CRIM1: variants seen among roughly 807,000 people sequenced by gnomAD.
CRIM1 encodes the protein cysteine-rich motor neuron 1 protein.
In CRIM1, 32 loss-of-function variants were observed where a neutral mutation model predicts 116.4. The observed-to-expected ratio is 0.27, with a 90% CI of 0.21 to 0.37. The LOEUF is 0.37. CRIM1 is among the 10% of genes least tolerant of loss of function. The pLI is 1.00. For missense variants in CRIM1, 1,331 were observed against 1,354.8 expected (o/e 0.98, Z 0.28); for synonymous variants, 590 against 509.2 (o/e 1.16, Z -2.13).
At chr2:36,426,952 C>T (rs1463273178) in intron 2 of CRIM1, among the ~76,000 whole-genome samples, 1 of 152,138 alleles carries the variant, frequency 6.6e-6, no homozygotes, top group Admixed American at 6.5e-5. Context: ...CCTGTAATCC[C>T]AGCACTTTGG....
chr2:36,534,872 C>G (rs1666425596), intron 13 of CRIM1, among the ~76,000 whole-genome samples: 1 of 152,050 alleles, frequency 6.6e-6, no homozygotes, highest in Non-Finnish European at 1.5e-5. Flanking sequence ...CACTGTTACT[C>G]AAATTTTATT....
Position 36,522,818 on chromosome 2 carries a change from AG to A in CRIM1, c.2428+506del, listed in dbSNP as rs1553331915. 4.1e-3 allele frequency among the ~76,000 whole-genome samples: 581 copies of A among 142,254 alleles called. 6 individuals are homozygous for A. Among genetic ancestry groups the A allele is most frequent in the African/African-American group, 0.012 (444 of 36,904 alleles). 93.3% of individuals were successfully genotyped at this position (142,254 alleles called of 152,430 possible). On this transcript the variant is annotated intron_variant, in intron 13 of 16. Transcript: ENST00000280527. Reference sequence around the variant, plus strand: ...CTCCATCTCAAAAAAAAAAAAAAGAAGAAGAAGAAGAAGGAGAAAGAAATGT... The same window carrying A: ...CTCCATCTCAAAAAAAAAAAAAAGAAAAGAAGAAGAAGGAGAAAGAAATGT...
chr2:36,437,895 A>G (rs1334779521), intron 2 of CRIM1, among the ~76,000 whole-genome samples: 1 of 152,164 alleles, frequency 6.6e-6, no homozygotes, highest in African/African-American at 2.4e-5. Context: ...GCACTTTGGG[A>G]GGCTGAGGCG....
intron 13 of CRIM1, among the ~76,000 whole-genome samples, chr2:36,525,973 T>C (rs924105050): frequency 1.3e-5 from 2 of 152,252 alleles, no homozygotes; most frequent in Non-Finnish European, 2.9e-5. Flanking sequence ...GCTTCTCTTT[T>C]GATGTTCGAG....
chr2:36,483,154 T>C (rs528205819), intron 7 of CRIM1, among the ~76,000 whole-genome samples: 2 of 152,330 alleles, frequency 1.3e-5, no homozygotes, highest in Admixed American at 1.3e-4. Context: ...TTGTTGACTT[T>C]TCTCTACATC....
intron 4 of CRIM1, among the ~76,000 whole-genome samples, chr2:36,449,007 C>A (rs1328619631): frequency 6.6e-6 from 1 of 150,732 alleles, no homozygotes; most frequent in African/African-American, 2.4e-5. Context: ...ATTTTTAAAT[C>A]AATCTTCAGA....
At chr2:36,539,726 T>C (rs972461413) in intron 14 of CRIM1, among the ~76,000 whole-genome samples, 4 of 152,098 alleles carry the variant, frequency 2.6e-5, no homozygotes, top group Non-Finnish European at 5.9e-5. Flanking sequence ...AGGATTTCAA[T>C]GTATGCGGGG....
In CRIM1 at chr2:36,476,919, T is replaced by C; in HGVS notation, c.1022T>C (p.Val341Ala). 6.2e-7 allele frequency: 1 copy of C among 1,613,796 alleles called. No homozygotes were observed. The highest frequency in any genetic ancestry group is 1.1e-5 in the South Asian group (1 of 90,992). Residue 341 changes from valine to alanine, a missense_variant, in exon 6 of 17, where the codon GTG becomes GCG. By Grantham distance (64) the Val-to-Ala change is moderately conservative. Around this residue, in one of 3 missense-constraint regions of CRIM1, gnomAD observed 690 missense variants for 676.0 expected, o/e 1.02. Coordinates refer to ENST00000280527, the MANE Select transcript of CRIM1 (RefSeq NM_016441.3). The part of the protein sequence containing the change: ...DTKPACVFNN[V>A]EYYDGDMFRM... Reference sequence around the variant, plus strand: ...AAGCCAGCCTGCGTATTTAACAATGTGGAATATTATGATGGAGACATGTTT... The same window carrying C: ...AAGCCAGCCTGCGTATTTAACAATGCGGAATATTATGATGGAGACATGTTT...
chr2:36,408,567 A>G (rs1442494304), intron 2 of CRIM1, among the ~76,000 whole-genome samples: 1 of 152,178 alleles, frequency 6.6e-6, no homozygotes, highest in Non-Finnish European at 1.5e-5. Context: ...CCTTCCCTCT[A>G]AGGGGAGCTG....
At chr2:36,363,796 C>G (rs1572558404) in intron 1 of CRIM1, among the ~76,000 whole-genome samples, 1 of 152,176 alleles carries the variant, frequency 6.6e-6, no homozygotes, top group Admixed American at 6.5e-5. Flanking sequence ...AGTGTGCACA[C>G]TGATGACCAC....
At chr2:36,528,671 G>T (rs1572936302) in intron 13 of CRIM1, among the ~76,000 whole-genome samples, 1 of 152,192 alleles carries the variant, frequency 6.6e-6, no homozygotes, top group African/African-American at 2.4e-5. Context: ...GGAGGCCCAG[G>T]TTGTCACAGT....
At chr2:36,367,392 A>G (rs1669669947) in intron 1 of CRIM1, among the ~76,000 whole-genome samples, 1 of 152,174 alleles carries the variant, frequency 6.6e-6, no homozygotes. Flanking sequence ...ATAACATGAT[A>G]AAGGAGAAAA....
rs142901996 is a variant in CRIM1, at chr2:36,465,603, A to AT, written c.991+953dup. ...GAGTCCTATTTGGTTGCATCCTGTGATTTTTAGGCCCGTGGCCAAGTTGTT... is the reference window on the plus strand; with the variant it reads ...GAGTCCTATTTGGTTGCATCCTGTGATTTTTTAGGCCCGTGGCCAAGTTGTT... On this transcript the variant is annotated intron_variant, in intron 5 of 16. Transcript: ENST00000280527. Among the ~76,000 whole-genome samples the AT allele has an allele frequency of 1.7e-3, 252 of 152,236 alleles. 3 individuals carry two copies. Among genetic ancestry groups the AT allele is most frequent in the African/African-American group, 5.7e-3 (237 of 41,538 alleles).
intron 12 of CRIM1, among the ~76,000 whole-genome samples, chr2:36,521,411 T>C (rs1024591129): frequency 2.0e-5 from 3 of 152,210 alleles, no homozygotes; most frequent in African/African-American, 7.2e-5. Context: ...TGTCTGAATA[T>C]TGATTGGTCA....
At chr2:36,405,012 T>C (rs1672681271) in intron 2 of CRIM1, among the ~76,000 whole-genome samples, 2 of 152,206 alleles carry the variant, frequency 1.3e-5, no homozygotes, top group South Asian at 4.1e-4. Context: ...ACCTCGTCCT[T>C]GGTCTAGAGG....
chr2:36,418,586 C>T (rs1673805985), intron 2 of CRIM1, among the ~76,000 whole-genome samples: 1 of 152,188 alleles, frequency 6.6e-6, no homozygotes, highest in Non-Finnish European at 1.5e-5. Context: ...CGTGCCCAGC[C>T]ACTTGAGCTC....
Position 36,512,964 on chromosome 2 carries a change from T to A in CRIM1, c.1780+570T>A, listed in dbSNP as rs145680724. Reference sequence around the variant, plus strand: ...ATGCACCCTGACCGCCGTTTCTGCCTTTACCCCAGCTCCAGCCCTGCTGCC... The same window carrying A: ...ATGCACCCTGACCGCCGTTTCTGCCATTACCCCAGCTCCAGCCCTGCTGCC... On this transcript the variant is annotated intron_variant, in intron 10 of 16. Transcript: ENST00000280527. 5.3e-5 allele frequency among the ~76,000 whole-genome samples: 8 copies of A among 152,294 alleles called. 1 individual carries two copies. Among genetic ancestry groups the A allele is most frequent in the African/African-American group, 1.9e-4 (8 of 41,566 alleles).
chr2:36,503,989 G>T (rs1006669124), intron 8 of CRIM1, among the ~76,000 whole-genome samples: 2 of 151,954 alleles, frequency 1.3e-5, no homozygotes, highest in African/African-American at 2.4e-5. Flanking sequence ...TCCCACCTGA[G>T]CCTCCCAAGT....
At position 36,355,867 on chromosome 2, in the gene CRIM1, C is replaced by G. The variant is rs1668762692; in HGVS notation, c.-426C>G. 6.6e-6 allele frequency: 1 copy of G among 151,304 alleles called. No homozygotes were observed. Among genetic ancestry groups the G allele is most frequent in the South Asian group, 2.1e-4 (1 of 4,814 alleles). The allele number at this position is 151,304 out of a possible 1,614,324, so 9.4% of individuals were successfully genotyped here. A position where few individuals can be genotyped will look rare whatever the true frequency, so the allele number is the denominator to read the frequency against. ...ACTCGGCAGCTCGGGAGGCGGGGAC[C>G]GGCCCGGAGGCTGCGCCGCTGCGGG... is the stretch of plus-strand genomic sequence containing the variant. On this transcript the variant is annotated 5_prime_UTR_variant, in exon 1 of 17. Transcript: ENST00000280527.
Sources: gnomAD v4.1 joint callset for allele counts (sites outside exome capture counted in the v4.1 genomes callset) on GRCh38, gnomAD v4.1.1 for gene constraint, gnomAD v4.1.1 regional missense constraint, MANE v1.5 for transcripts, NCBI Gene and HGNC (gene_info 2026-07-23, HGNC 2026-07-21) for gene names.